PTPRN2: variants seen among roughly 807,000 people sequenced by gnomAD.
PTPRN2 encodes the protein protein tyrosine phosphatase receptor type N2, also known as receptor-type tyrosine-protein phosphatase N2.
Under a neutral mutation model 118.8 loss-of-function variants are expected in PTPRN2, and 74 were observed. The ratio of observed to expected loss-of-function variants is 0.62; its 90% CI spans 0.52 to 0.76. The LOEUF is 0.76. PTPRN2 is among the 30% of genes least tolerant of loss of function. The pLI is 0.00. For missense variants in PTPRN2, 1,481 were observed against 1,394.4 expected (o/e 1.06, Z -0.99); for synonymous variants, 641 against 608.0 (o/e 1.05, Z -0.80).
chr7:157,681,062 A>G (rs534825733), intron 13 of PTPRN2, among the ~76,000 whole-genome samples: 1 of 152,186 alleles, frequency 6.6e-6, no homozygotes, highest in East Asian at 1.9e-4. Flanking sequence ...TCTGTTAATT[A>G]TCACAAACTC....
At chr7:158,338,780 A>G (rs1289472511) in intron 2 of PTPRN2, among the ~76,000 whole-genome samples, 1 of 20,560 alleles carries the variant, frequency 4.9e-5, no homozygotes. Context: ...CTCTCACCAT[A>G]AGAAGTGACA....
At chr7:157,767,901 A>C (rs150201273) in intron 12 of PTPRN2, among the ~76,000 whole-genome samples, 1 of 152,188 alleles carries the variant, frequency 6.6e-6, no homozygotes, top group Non-Finnish European at 1.5e-5. Context: ...GGCAGGTAGG[A>C]CTTAGGAGGC....
intron 1 of PTPRN2, chr7:158,541,580 C>A: frequency 3.0e-6 from 4 of 1,352,018 alleles, no homozygotes; most frequent in Middle Eastern, 4.2e-4. Flanking sequence ...CGGTTCTCAG[C>A]AGTGAATATT....
intron 1 of PTPRN2, among the ~76,000 whole-genome samples, chr7:158,490,530 C>T (rs1821372046): frequency 6.6e-6 from 1 of 152,234 alleles, no homozygotes; most frequent in African/African-American, 2.4e-5. Context: ...TCCACGTCCA[C>T]GCCTGTCTTA....
chr7:158,510,265 G>T (rs1465203467), intron 1 of PTPRN2, among the ~76,000 whole-genome samples: 6 of 152,204 alleles, frequency 3.9e-5, no homozygotes, highest in Non-Finnish European at 5.9e-5. Flanking sequence ...TTCTGGGGGA[G>T]CCCCAATGAC....
At chr7:158,466,957 C>T (rs1819439550) in intron 2 of PTPRN2, among the ~76,000 whole-genome samples, 1 of 152,234 alleles carries the variant, frequency 6.6e-6, no homozygotes, top group Admixed American at 6.5e-5. Context: ...AGGAGAATCA[C>T]TTGAACCCAG....
At chr7:158,056,760 G>A (rs1809824293) in intron 11 of PTPRN2, among the ~76,000 whole-genome samples, 1 of 152,230 alleles carries the variant, frequency 6.6e-6, no homozygotes, top group Non-Finnish European at 1.5e-5. Context: ...CAGCAGGACA[G>A]TGGCTCTCCC....
chr7:158,463,409 G>C (rs1819145531), intron 2 of PTPRN2, among the ~76,000 whole-genome samples: 1 of 151,198 alleles, frequency 6.6e-6, no homozygotes, highest in South Asian at 2.1e-4. Context: ...GACCATCATT[G>C]TTGTCATCAT....
chr7:157,607,264 T>C (rs574473518), intron 15 of PTPRN2, among the ~76,000 whole-genome samples: 10 of 152,180 alleles, frequency 6.6e-5, no homozygotes, highest in Non-Finnish European at 1.5e-4. Context: ...AGTTTCACAG[T>C]GGGGCCACAC....
At chr7:158,324,555 G>A (rs1015656494) in intron 2 of PTPRN2, among the ~76,000 whole-genome samples, 3 of 151,788 alleles carry the variant, frequency 2.0e-5, no homozygotes, top group East Asian at 2.0e-4. Context: ...CAAGTTCTCA[G>A]GTGGCCATGC....
intron 12 of PTPRN2, 50 bp downstream of exon 12, chr7:157,898,623 C>G (rs144824779): frequency 1.3e-6 from 2 of 1,507,520 alleles, no homozygotes; most frequent in Non-Finnish European, 1.8e-6. Context: ...CGCCAGCACC[C>G]AGACAGCACT....
chr7:158,217,917 T>C (rs1473066843), intron 3 of PTPRN2, among the ~76,000 whole-genome samples: 1 of 152,096 alleles, frequency 6.6e-6, no homozygotes. Flanking sequence ...AAAAAATGAA[T>C]AAAACCTCTG....
intron 4 of PTPRN2, among the ~76,000 whole-genome samples, chr7:158,197,162 G>T: frequency 6.6e-6 from 1 of 152,176 alleles, no homozygotes; most frequent in East Asian, 1.9e-4. Flanking sequence ...ACAGCCTGAG[G>T]GAGGTGCAGC....
chr7:158,249,058 C>CACATCACACACAT (rs1796470802), intron 3 of PTPRN2, among the ~76,000 whole-genome samples: 1 of 151,496 alleles, frequency 6.6e-6, no homozygotes, highest in Non-Finnish European at 1.5e-5. Context: ...CACGTGCACC[C>CACATCACACACAT]ACATCACACA....
intron 22 of PTPRN2, among the ~76,000 whole-genome samples, chr7:157,548,708 A>C (rs1798446270): frequency 6.6e-6 from 1 of 152,112 alleles, no homozygotes; most frequent in Non-Finnish European, 1.5e-5. Context: ...CAGTGGATCG[A>C]GTTCCTAGGA....
At chr7:157,841,555 G>A (rs1808421128) in intron 12 of PTPRN2, among the ~76,000 whole-genome samples, 1 of 152,212 alleles carries the variant, frequency 6.6e-6, no homozygotes, top group South Asian at 2.1e-4. Context: ...CTGAGGCAGG[G>A]AAACTGCCCA....
intron 11 of PTPRN2, chr7:158,028,842 TG>T (rs1193570647): frequency 6.6e-6 from 1 of 152,282 alleles, no homozygotes; most frequent in Non-Finnish European, 1.5e-5. Context: ...TCAGGGAGCG[TG>T]GGGAGAGTCC....
At chr7:158,175,279 C>G (rs1824084816) in intron 5 of PTPRN2, among the ~76,000 whole-genome samples, 1 of 152,218 alleles carries the variant, frequency 6.6e-6, no homozygotes, top group East Asian at 1.9e-4. Context: ...CAGTGCTATT[C>G]ACAGGCTTCC....
At chr7:158,202,364 C>T (rs1826706720) in intron 4 of PTPRN2, among the ~76,000 whole-genome samples, 1 of 152,074 alleles carries the variant, frequency 6.6e-6, no homozygotes. Context: ...GTGTCAGAGT[C>T]GGGCATGAGG....
Sources: allele counts gnomAD v4.1 joint callset (sites outside exome capture counted in the v4.1 genomes callset), GRCh38; gene constraint gnomAD v4.1.1; transcripts MANE v1.5; gene names NCBI Gene and HGNC (gene_info 2026-07-23, HGNC 2026-07-21).